The following AKAP13 variants were observed in gnomAD, a reference collection of about 807,000 sequenced individuals.
AKAP13 encodes the protein A-kinase anchoring protein 13.
In AKAP13, 80 loss-of-function variants were observed where a neutral mutation model predicts 264.5. The observed-to-expected ratio is 0.30, with a 90% CI of 0.25 to 0.36. The LOEUF (loss-of-function observed/expected upper bound fraction) is 0.36, where lower values mean the gene tolerates loss of function less well. Among genes scored for constraint, AKAP13 ranks in the 10% least tolerant of loss-of-function variants. The pLI is 1.00. For missense variants in AKAP13, 3,712 were observed against 3,435.2 expected, an observed-to-expected ratio of 1.08 and a Z score of -2.01; for synonymous variants, 1,380 against 1,250.2, an observed-to-expected ratio of 1.10 and a Z score of -2.19.
chr15:85,603,838 C>T (rs1245903748), intron 8 of AKAP13, among the ~76,000 whole-genome samples: 1 of 152,166 alleles, frequency 6.6e-6, no homozygotes, highest in Admixed American at 6.5e-5. Flanking sequence ...TCCTGTTATA[C>T]TCTTCTCCTT....
chr15:85,452,212 C>T (rs2150980758), intron 1 of AKAP13, among the ~76,000 whole-genome samples: 1 of 126,558 alleles, frequency 7.9e-6, no homozygotes, highest in African/African-American at 3.2e-5. Context: ...CTGTCAGATC[C>T]CTTAGGGTTT....
Position 85,664,546 on chromosome 15 carries a change from T to C in AKAP13, c.4800-17T>C, listed in dbSNP as rs202069473. 7.6e-6 allele frequency: 12 copies of C among 1,586,124 alleles called. No homozygotes were observed. The African/African-American group carries it at 1.5e-4, about 20-fold the overall frequency. On this transcript the variant is annotated splice_polypyrimidine_tract_variant and intron_variant, in intron 12 of 36. Transcript: ENST00000394518. ...ACCCAGAAATAGAATGAATTAACTTTTGTGCCCTATGTTCAGTTTCAGTCT... is the reference window on the plus strand; with the variant it reads ...ACCCAGAAATAGAATGAATTAACTTCTGTGCCCTATGTTCAGTTTCAGTCT...
At chr15:85,390,978 A>G (rs1398772770) in intron 1 of AKAP13, among the ~76,000 whole-genome samples, 1 of 152,160 alleles carries the variant, frequency 6.6e-6, no homozygotes, top group African/African-American at 2.4e-5. Flanking sequence ...GAGTTCAGTG[A>G]TGGTCTGGAC....
intron 30 of AKAP13, among the ~76,000 whole-genome samples, chr15:85,733,627 TG>T (rs1321298493): frequency 6.6e-6 from 1 of 152,162 alleles, no homozygotes; most frequent in Non-Finnish European, 1.5e-5. Flanking sequence ...TCTTCAGTGT[TG>T]GTCACTTTCT....
intron 9 of AKAP13, among the ~76,000 whole-genome samples, chr15:85,643,002 A>G (rs1384032338): frequency 2.0e-5 from 3 of 147,572 alleles, no homozygotes; most frequent in African/African-American, 5.1e-5. Context: ...CTAGGTTACT[A>G]CATACTCTAG....
chr15:85,674,255 C>T (rs1383891798), intron 14 of AKAP13, among the ~76,000 whole-genome samples: 2 of 152,132 alleles, frequency 1.3e-5, no homozygotes, highest in African/African-American at 2.4e-5. Flanking sequence ...CTGAAACGTT[C>T]GAGCACCAAC....
intron 1 of AKAP13, among the ~76,000 whole-genome samples, chr15:85,436,910 A>G: frequency 6.6e-6 from 1 of 152,158 alleles, no homozygotes; most frequent in East Asian, 1.9e-4. Context: ...TAAAAGAACT[A>G]GAGAAAAGCA....
chr15:85,658,485 T>C lies in AKAP13; in HGVS notation c.4746-52T>C. 10 of 1,533,158 alleles carry C rather than the reference T, an allele frequency of 6.5e-6. No individual in the cohort carries two copies. The South Asian group carries it at 1.0e-4, about 16-fold the overall frequency. 95.0% of individuals were successfully genotyped at this position (1,533,158 alleles called of 1,614,324 possible). ...GGTGTCTGTATGTTTCATGCATTTG[T>C]ATCCCATTTTGTTTCACCTGCAACA... On this transcript the variant is annotated intron_variant, in intron 11 of 36. Coordinates refer to ENST00000394518, the MANE Select transcript of AKAP13 (RefSeq NM_007200.5).
At chr15:85,563,605 A>G (rs2078495090) in intron 5 of AKAP13, among the ~76,000 whole-genome samples, 1 of 152,172 alleles carries the variant, frequency 6.6e-6, no homozygotes, top group African/African-American at 2.4e-5. Flanking sequence ...TGGGCACCGC[A>G]TGAACTGTTC....
intron 1 of AKAP13, among the ~76,000 whole-genome samples, chr15:85,456,193 C>G (rs1198476837): frequency 6.6e-6 from 1 of 152,206 alleles, no homozygotes; most frequent in Non-Finnish European, 1.5e-5. Context: ...GCTTTCCACT[C>G]TAAACTTCTG....
intron 17 of AKAP13, among the ~76,000 whole-genome samples, chr15:85,699,610 A>G (rs923120798): frequency 6.6e-6 from 1 of 152,222 alleles, no homozygotes; most frequent in African/African-American, 2.4e-5. Context: ...TATTATTTGT[A>G]TGTCTAAAAA....
chr15:85,621,059 T>G (rs2151421593), intron 8 of AKAP13, among the ~76,000 whole-genome samples: 1 of 152,188 alleles, frequency 6.6e-6, no homozygotes, highest in Admixed American at 6.5e-5. Context: ...TATGTGGAGG[T>G]GAGGGTCATT....
At chr15:85,401,369 T>C (rs954381554) in intron 1 of AKAP13, among the ~76,000 whole-genome samples, 1 of 152,206 alleles carries the variant, frequency 6.6e-6, no homozygotes, top group Non-Finnish European at 1.5e-5. Context: ...ATGTAGAATT[T>C]TGAGGACGTC....
chr15:85,412,607 A>G (rs1482802884), intron 1 of AKAP13, among the ~76,000 whole-genome samples: 1 of 152,270 alleles, frequency 6.6e-6, no homozygotes, highest in Non-Finnish European at 1.5e-5. Flanking sequence ...ATAAAGTACC[A>G]ATAAATATAA....
intron 1 of AKAP13, among the ~76,000 whole-genome samples, chr15:85,411,611 G>C (rs1274232035): frequency 6.6e-6 from 1 of 152,100 alleles, no homozygotes; most frequent in Non-Finnish European, 1.5e-5. Flanking sequence ...CTAATTTTTT[G>C]TATCTTTCGT....
In AKAP13 at chr15:85,581,120, G is replaced by A; in HGVS notation, c.3052G>A (p.Val1018Met). 6.2e-7 allele frequency: 1 copy of A among 1,613,980 alleles called. No homozygotes were observed. The highest frequency in any genetic ancestry group is 8.5e-7 in the Non-Finnish European group (1 of 1,179,898). ...TCAAGGTGGGGCTGCCCAGAGCCTG[G>A]TGCCACCAGGAGCAAGTCTGGCCAC... ...LTQGGAAQSLVPPGASLATES... is the reference protein window; with the variant it reads ...LTQGGAAQSLMPPGASLATES... The change falls in exon 7 of 37, where the codon GTG becomes ATG. Residue 1018 changes from valine (V) to methionine (M), a missense_variant. By Grantham distance (21) the Val-to-Met change is conservative. This residue lies in a region of AKAP13 where 2,759 missense variants were observed against 2,411.7 expected (regional missense o/e 1.14). Transcript: ENST00000394518.
chr15:85,389,890 C>A (rs892492540), intron 1 of AKAP13: 7 of 152,194 alleles, frequency 4.6e-5, no homozygotes, highest in African/African-American at 1.7e-4. Context: ...CACTTGTGAT[C>A]TGGTGTTTTC....
intron 8 of AKAP13, among the ~76,000 whole-genome samples, chr15:85,634,327 A>G (rs1004098217): frequency 3.3e-5 from 5 of 152,220 alleles, no homozygotes; most frequent in African/African-American, 1.2e-4. Flanking sequence ...GATTCTCACT[A>G]AAGTGATCAG....
intron 5 of AKAP13, among the ~76,000 whole-genome samples, chr15:85,562,839 G>A (rs997687365): frequency 4.8e-5 from 7 of 146,594 alleles, no homozygotes; most frequent in South Asian, 2.2e-4. Flanking sequence ...GGGATTACAG[G>A]CATGCGCCAC....
Sources: allele counts gnomAD v4.1 joint callset (sites outside exome capture counted in the v4.1 genomes callset), GRCh38; gene constraint gnomAD v4.1.1; regional missense constraint gnomAD v4.1.1; transcripts MANE v1.5; gene names NCBI Gene and HGNC (gene_info 2026-07-23, HGNC 2026-07-21).